The following XPO7 variants were observed in gnomAD, a reference collection of about 807,000 sequenced individuals.
XPO7 encodes exportin 7.
A neutral mutation model predicts 144.3 loss-of-function variants in XPO7; 21 were observed. The observed-to-expected ratio is 0.15, with a 90% CI of 0.10 to 0.21. The LOEUF (loss-of-function observed/expected upper bound fraction) is 0.21, where lower values mean the gene tolerates loss of function less well. XPO7 is among the 10% of genes least tolerant of loss of function. The pLI, the probability that XPO7 is intolerant of heterozygous loss-of-function variation, is 1.00. For synonymous variants in XPO7, 580 were observed against 499.6 expected (o/e 1.16, Z -2.15); for missense variants, 808 against 1,325.8 (o/e 0.61, Z 6.06).
At chr8:21,971,310 C>T (rs991536067) in intron 4 of XPO7, among the ~76,000 whole-genome samples, 4 of 152,198 alleles carry the variant, frequency 2.6e-5, no homozygotes, top group African/African-American at 9.6e-5. Flanking sequence ...ATGACTGTAT[C>T]TACTTCCACA....
In XPO7 at chr8:21,976,607, CCTGTGTATT is replaced by C; in HGVS notation, c.763+90_763+98del. On this transcript the variant is annotated intron_variant, in intron 7 of 27. Coordinates refer to ENST00000252512, the MANE Select transcript of XPO7 (RefSeq NM_015024.5). ...ATGATCTAAAGAACTCCTGGCAACT[CCTGTGTATT>C]CTGAGGGAGAATTGAGAAAAAATTC... 2.8e-6 allele frequency: 4 copies of C among 1,408,350 alleles called. No individual in the cohort carries two copies. The South Asian group carries it at 5.9e-5, about 21-fold the overall frequency. 87.2% of individuals were successfully genotyped at this position (1,408,350 alleles called of 1,614,324 possible). A position where few individuals can be genotyped will look rare whatever the true frequency, so the allele number is the denominator to read the frequency against.
At chr8:21,959,879 G>A (rs757308153) in intron 1 of XPO7, among the ~76,000 whole-genome samples, 45 of 152,126 alleles carry the variant, frequency 3.0e-4, no homozygotes, top group Non-Finnish European at 5.1e-4. Context: ...CGTTAAGACC[G>A]GTATCTAACG....
At chr8:21,957,517 T>TGCA (rs1811575483) in intron 1 of XPO7, among the ~76,000 whole-genome samples, 1 of 152,218 alleles carries the variant, frequency 6.6e-6, no homozygotes. Context: ...ATGTTGCTGT[T>TGCA]GTCCTCTTTC....
intron 10 of XPO7, 99 bp from the exon 11 acceptor site, chr8:21,982,541 T>TAAA (rs5890017): frequency 5.2e-6 from 7 of 1,344,814 alleles, no homozygotes; most frequent in Non-Finnish European, 5.9e-6. Flanking sequence ...CCTCTTTTTT[T>TAAA]AAAAAAAAGA....
At chr8:21,989,375 G>A (rs912193422) in intron 16 of XPO7, among the ~76,000 whole-genome samples, 3 of 152,208 alleles carry the variant, frequency 2.0e-5, no homozygotes, top group Admixed American at 6.5e-5. Context: ...TACTCTGTGT[G>A]ACCAAGGTTT....
intron 3 of XPO7, 135 bp from the exon 4 acceptor site, chr8:21,970,009 T>C (rs1563326114): frequency 1.0e-6 from 1 of 1,001,818 alleles, no homozygotes; most frequent in Non-Finnish European, 1.5e-6. Context: ...GTAGCATAAA[T>C]AATTAAGACA....
intron 1 of XPO7, among the ~76,000 whole-genome samples, chr8:21,948,357 T>C (rs1811259759): frequency 6.6e-6 from 1 of 152,204 alleles, no homozygotes; most frequent in African/African-American, 2.4e-5. Context: ...TGTGTTACGG[T>C]TGCCTAAGGT....
At chr8:21,979,859 G>A (rs927861539) in intron 8 of XPO7, among the ~76,000 whole-genome samples, 1 of 152,014 alleles carries the variant, frequency 6.6e-6, no homozygotes, top group African/African-American at 2.4e-5. Flanking sequence ...CAAGAACAAA[G>A]ATGCCATTGG....
At chr8:21,985,379 G>A (rs979244719) in intron 12 of XPO7, among the ~76,000 whole-genome samples, 1 of 152,292 alleles carries the variant, frequency 6.6e-6, no homozygotes, top group African/African-American at 2.4e-5. Context: ...AAAAATAATG[G>A]CCTTGTCTGA....
chr8:21,940,827 A>G (rs1333886018), intron 1 of XPO7, among the ~76,000 whole-genome samples: 1 of 152,050 alleles, frequency 6.6e-6, no homozygotes, highest in African/African-American at 2.4e-5. Context: ...CCTGTATGTA[A>G]TCTTGCCATA....
intron 3 of XPO7, 79 bp from the exon 4 acceptor site, chr8:21,970,065 A>G (rs750153625): frequency 6.8e-7 from 1 of 1,464,188 alleles, no homozygotes; most frequent in Non-Finnish European, 9.1e-7. Flanking sequence ...GCCATTTAGC[A>G]TGTCTAAAGA....
intron 2 of XPO7, among the ~76,000 whole-genome samples, chr8:21,968,422 T>G (rs1203546147): frequency 6.6e-6 from 1 of 152,230 alleles, no homozygotes; most frequent in Non-Finnish European, 1.5e-5. Context: ...AATATCTGAA[T>G]GATACAAAGT....
At chr8:21,959,423 ATGATT>A (rs541333435) in intron 1 of XPO7, among the ~76,000 whole-genome samples, 15 of 152,186 alleles carry the variant, frequency 9.9e-5, no homozygotes, top group Non-Finnish European at 1.9e-4. Context: ...AAATATTTGA[ATGATT>A]TGAGTAACTT....
chr8:21,988,905 G>A (rs573920069), intron 15 of XPO7, 98 bp from the exon 16 acceptor site: 58 of 1,049,268 alleles, frequency 5.5e-5, no homozygotes, highest in Admixed American at 1.6e-4. Flanking sequence ...GCAGATGTGT[G>A]GTGACTTTTG....
chr8:21,995,239 T>G (rs1812907765), intron 20 of XPO7, among the ~76,000 whole-genome samples: 1 of 152,040 alleles, frequency 6.6e-6, no homozygotes, highest in Admixed American at 6.6e-5. Flanking sequence ...AATAACAGTA[T>G]GAAATACATC....
At chr8:21,920,246 C>T (rs1810230589) in intron 1 of XPO7, among the ~76,000 whole-genome samples, 1 of 152,188 alleles carries the variant, frequency 6.6e-6, no homozygotes. Context: ...ACCTCGCTCT[C>T]CGGAGTCTTT....
chr8:21,937,029 G>A (rs554593875), intron 1 of XPO7, among the ~76,000 whole-genome samples: 2 of 152,204 alleles, frequency 1.3e-5, no homozygotes, highest in East Asian at 1.9e-4. Flanking sequence ...CACTCTTAAC[G>A]GACTCAGACT....
At chr8:21,935,233 A>G (rs1274820587) in intron 1 of XPO7, among the ~76,000 whole-genome samples, 2 of 152,212 alleles carry the variant, frequency 1.3e-5, no homozygotes, top group South Asian at 2.1e-4. Flanking sequence ...TTTATATTTA[A>G]ATAGCAGCTG....
At chr8:21,989,187 T>A in intron 16 of XPO7, 104 bp downstream of exon 16, 2 of 1,027,854 alleles carry the variant, frequency 1.9e-6, no homozygotes, top group Non-Finnish European at 2.8e-6. Context: ...CTGTAGTGTG[T>A]ACTCACATAT....
Sources: allele counts gnomAD v4.1 joint callset (sites outside exome capture counted in the v4.1 genomes callset), GRCh38; gene constraint gnomAD v4.1.1; transcripts MANE v1.5; gene names NCBI Gene and HGNC (gene_info 2026-07-23, HGNC 2026-07-21).